Variants in FRK observed in about 807,000 individuals in gnomAD.
FRK encodes fyn related Src family tyrosine kinase.
FRK carries 51 observed loss-of-function variants against 56.4 expected under a neutral mutation model. The observed-to-expected ratio is 0.90, with a 90% confidence interval of 0.72 to 1.14. The LOEUF (loss-of-function observed/expected upper bound fraction) is 1.14, where lower values mean the gene tolerates loss of function less well. FRK is among the 50% of genes most tolerant of loss of function. The pLI, the probability that FRK is intolerant of heterozygous loss-of-function variation, is 0.00. For missense variants in FRK, 570 were observed against 601.4 expected (o/e 0.95, Z 0.55); for synonymous variants, 245 against 217.9 (o/e 1.12, Z -1.10).
At chr6:115,945,817 T>G (rs1772422842) in intron 5 of FRK, among the ~76,000 whole-genome samples, 2 of 152,248 alleles carry the variant, frequency 1.3e-5, no homozygotes, top group South Asian at 4.1e-4. Flanking sequence ...TGCACATACC[T>G]TCAATAGGCA....
At chr6:115,961,012 T>C (rs1198248289) in intron 4 of FRK, among the ~76,000 whole-genome samples, 1 of 26 alleles carries the variant, frequency 0.038, no homozygotes, top group Admixed American at 0.25. Context: ...AGGAACGCAG[T>C]TCCTCACCAG....
chr6:115,953,459 G>T (rs1488608873), intron 5 of FRK, among the ~76,000 whole-genome samples: 1 of 152,058 alleles, frequency 6.6e-6, no homozygotes, highest in African/African-American at 2.4e-5. Flanking sequence ...AAAGTGCTGG[G>T]ATTACAGGCG....
intron 1 of FRK, among the ~76,000 whole-genome samples, chr6:116,032,406 T>TC (rs1776334636): frequency 6.6e-6 from 1 of 151,948 alleles, no homozygotes; most frequent in African/African-American, 2.4e-5. Flanking sequence ...ATGCAGCCTA[T>TC]CCCCAACACC....
At chr6:115,980,729 T>C (rs538835105) in intron 2 of FRK, among the ~76,000 whole-genome samples, 10 of 152,262 alleles carry the variant, frequency 6.6e-5, no homozygotes, top group African/African-American at 2.2e-4. Context: ...GGTATGATAC[T>C]TGATATTCTT....
At chr6:116,054,774 A>G (rs1412525783) in intron 1 of FRK, among the ~76,000 whole-genome samples, 1 of 151,820 alleles carries the variant, frequency 6.6e-6, no homozygotes, top group Non-Finnish European at 1.5e-5. Context: ...CTAGATAAAG[A>G]ACAATTGTGG....
At chr6:116,025,973 G>C (rs766110683) in intron 1 of FRK, among the ~76,000 whole-genome samples, 9 of 152,152 alleles carry the variant, frequency 5.9e-5, no homozygotes, top group Non-Finnish European at 1.0e-4. Context: ...GGTAATAATA[G>C]TACATTCTTC....
the FRK span, among the ~76,000 whole-genome samples, chr6:116,096,474 A>T: frequency 6.6e-6 from 1 of 152,216 alleles, no homozygotes; most frequent in Non-Finnish European, 1.5e-5. Flanking sequence ...CTCTGTGTCT[A>T]GCTAAAAGAC....
At chr6:116,049,612 T>G (rs979448208) in intron 1 of FRK, among the ~76,000 whole-genome samples, 12 of 152,174 alleles carry the variant, frequency 7.9e-5, no homozygotes, top group African/African-American at 2.9e-4. Flanking sequence ...AAATCTCACT[T>G]CCATCATTTA....
At chr6:116,094,993 C>A in the FRK span, among the ~76,000 whole-genome samples, 8 of 152,258 alleles carry the variant, frequency 5.3e-5, no homozygotes, top group Non-Finnish European at 7.3e-5. Flanking sequence ...AATTGAAGGT[C>A]TTCTCTATAA....
At chr6:115,959,370 C>A (rs926646237) in intron 4 of FRK, among the ~76,000 whole-genome samples, 10 of 152,112 alleles carry the variant, frequency 6.6e-5, no homozygotes, top group African/African-American at 2.2e-4. Context: ...TCCCAAAGGG[C>A]TTCCTTAGAG....
chr6:115,994,450 A>C (rs1333053478), intron 2 of FRK, among the ~76,000 whole-genome samples: 1 of 151,470 alleles, frequency 6.6e-6, no homozygotes, highest in African/African-American at 2.4e-5. Flanking sequence ...TCTTCTGTTA[A>C]CTCACACACA....
intron 1 of FRK, among the ~76,000 whole-genome samples, chr6:116,036,555 T>A (rs1007654878): frequency 1.3e-5 from 2 of 152,140 alleles, no homozygotes; most frequent in African/African-American, 4.8e-5. Flanking sequence ...CCTGTCAGTG[T>A]ACAATGATGC....
chr6:116,093,375 G>T, the FRK span, among the ~76,000 whole-genome samples: 1 of 152,214 alleles, frequency 6.6e-6, no homozygotes, highest in African/African-American at 2.4e-5. Flanking sequence ...GGTAGACCTG[G>T]GGAAGTTTTC....
intron 1 of FRK, chr6:116,038,992 C>T (rs551219542): frequency 8.6e-5 from 62 of 719,546 alleles, no homozygotes; most frequent in Non-Finnish European, 1.3e-4. Context: ...GAGATCAGCC[C>T]TGGCATGATC....
At position 115,938,636 on chromosome 6, in the gene FRK, G is replaced by A. The variant is rs200032843; in HGVS notation, c.*3778C>T. 5.9e-5 allele frequency: 9 copies of A among 152,010 alleles called. No homozygotes were observed. The highest frequency in any genetic ancestry group is 3.9e-4 in the East Asian group (2 of 5,192). The allele number at this position is 152,010 out of a possible 1,614,324, so 9.4% of individuals were successfully genotyped here. On this transcript the variant is annotated 3_prime_UTR_variant, in exon 8 of 8. Coordinates refer to ENST00000606080, the MANE Select transcript of FRK (RefSeq NM_002031.3). ...TAGACACAATAAAAAATGATAAAGCGGAGATCACCACTGATCCCACAGAAA... is the reference window on the plus strand; with the variant it reads ...TAGACACAATAAAAAATGATAAAGCAGAGATCACCACTGATCCCACAGAAA...
At chr6:116,007,809 A>G (rs1284668279) in intron 1 of FRK, among the ~76,000 whole-genome samples, 4 of 151,746 alleles carry the variant, frequency 2.6e-5, no homozygotes, top group Admixed American at 6.6e-5. Context: ...AATGGTTTCA[A>G]TAACTTTCTA....
Position 115,945,836 on chromosome 6 carries a change from C to G in FRK, c.959-1411G>C, listed in dbSNP as rs1333132137. Among the ~76,000 whole-genome samples the G allele has an allele frequency of 2.6e-5, 4 of 152,064 alleles. 1 individual carries two copies. The highest frequency in any genetic ancestry group is 2.6e-4 in the Admixed American group (4 of 15,236). On this transcript the variant is annotated intron_variant, in intron 5 of 7. Transcript: ENST00000606080. ...CATACCTTCAATAGGCAAAGTTTCT[C>G]CCACTACTAATTCTTTATAACTAAG...
chr6:115,972,427 C>T (rs1410094806), intron 2 of FRK, among the ~76,000 whole-genome samples: 1 of 152,174 alleles, frequency 6.6e-6, no homozygotes, highest in African/African-American at 2.4e-5. Context: ...GGAGAGTTAG[C>T]TCTCAGAGTG....
intron 2 of FRK, among the ~76,000 whole-genome samples, chr6:115,985,268 C>G (rs914231747): frequency 3.3e-5 from 5 of 152,140 alleles, no homozygotes; most frequent in African/African-American, 1.2e-4. Flanking sequence ...CAAATAGCAT[C>G]ACTAAGCCCG....
Sources: gnomAD v4.1 joint callset for allele counts (sites outside exome capture counted in the v4.1 genomes callset) on GRCh38, gnomAD v4.1.1 for gene constraint, MANE v1.5 for transcripts, NCBI Gene and HGNC (gene_info 2026-07-23, HGNC 2026-07-21) for gene names.